Variants in ZNF432 observed in about 807,000 individuals in gnomAD.
ZNF432 encodes the protein zinc finger protein 432.
Under a neutral mutation model 13.9 loss-of-function variants are expected in ZNF432, and 10 were observed. The ratio of observed to expected loss-of-function variants is 0.72; its 90% CI spans 0.44 to 1.22. The LOEUF (loss-of-function observed/expected upper bound fraction) is 1.22, where lower values mean the gene tolerates loss of function less well. ZNF432 is among the 50% of genes most tolerant of loss of function. The pLI is 0.00. For synonymous variants in ZNF432, 247 were observed against 256.2 expected, an observed-to-expected ratio of 0.96 and a Z score of 0.34; for missense variants, 793 against 796.2, an observed-to-expected ratio of 1.00 and a Z score of 0.05.
chr19:52,047,021 T>C lies in ZNF432; in HGVS notation c.-153A>G, dbSNP rs1047305699. 5 of 753,394 alleles carry C rather than the reference T, an allele frequency of 6.6e-6. No individual in the cohort carries two copies. The highest frequency in any genetic ancestry group is 3.0e-5 in the Admixed American group (1 of 32,996). The allele number at this position is 753,394 out of a possible 1,614,324, so 46.7% of individuals were successfully genotyped here. A position where few individuals can be genotyped will look rare whatever the true frequency, so the allele number is the denominator to read the frequency against. ...TCCTGGAATCTTCCTCTTTCTTCAT[T>C]TACTTCTTGTCTCTTCCCAGGGTAG... On this transcript the variant is annotated 5_prime_UTR_variant, in exon 2 of 5. Coordinates refer to ENST00000221315, the MANE Select transcript of ZNF432 (RefSeq NM_014650.4).
At chr19:52,037,985 T>C (rs2087100811) in intron 4 of ZNF432, among the ~76,000 whole-genome samples, 1 of 152,166 alleles carries the variant, frequency 6.6e-6, no homozygotes, top group South Asian at 2.1e-4. Context: ...TTTCTTAAGA[T>C]ATTTAGCTGT....
Position 52,035,142 on chromosome 19 carries a change from G to T in ZNF432, c.537C>A (p.Phe179Leu), listed in dbSNP as rs188722056. 153 of 1,613,998 alleles carry T rather than the reference G, an allele frequency of 9.5e-5. 1 individual carries two copies. The East Asian group carries it at 3.0e-3, about 32-fold the overall frequency. The change falls in exon 5 of 5, where the codon TTC (phenylalanine) becomes TTA (leucine). Residue 179 changes from phenylalanine (F) to leucine (L), a missense_variant. Transcript: ENST00000221315. ...NYEELYSAAK[F>L]SVSTKANSTK... ...TGCTATTGGCTTTTGTACTTACAGAGAATTTAGCTGCAGAATAAAGTTCTT... is the reference window on the plus strand; with the variant it reads ...TGCTATTGGCTTTTGTACTTACAGATAATTTAGCTGCAGAATAAAGTTCTT...
At position 52,034,158 on chromosome 19, in the gene ZNF432, A is replaced by G. The variant is rs970501961; in HGVS notation, c.1521T>C (p.His507=). The G allele has an allele frequency of 1.9e-6, 3 of 1,614,028 alleles. No homozygotes were observed. The highest frequency in any genetic ancestry group is 3.3e-5 in the Admixed American group (2 of 59,986). The change falls in exon 5 of 5, where the codon CAT becomes CAC. Residue 507 remains histidine (H), a synonymous_variant. Coordinates refer to ENST00000221315, the MANE Select transcript of ZNF432 (RefSeq NM_014650.4). ...NSGLMLHQRT[H]TGEKPYICNE... ...TGCATATGTACGGTTTCTCTCCAGT[A>G]TGAGTTCGCTGATGTAACATCAGTC...
rs201556590 is a variant in ZNF432, at chr19:52,034,476, G to T, written c.1203C>A (p.Tyr401Ter). ...HQRTHTGEKP[Y>*]ICSECGKGFP... is the part of the protein sequence containing the mutation. ...AGCCTTTTCCACATTCACTGCATATGTAGGGTTTCTCTCCTGTATGAGTTC... is the reference window on the plus strand; with the variant it reads ...AGCCTTTTCCACATTCACTGCATATTTAGGGTTTCTCTCCTGTATGAGTTC... The change falls in exon 5 of 5, where the codon TAC (tyrosine) becomes TAA (stop). Residue 401 changes from tyrosine to a stop codon, truncating the protein, a stop_gained. Coordinates refer to ENST00000221315, the MANE Select transcript of ZNF432 (RefSeq NM_014650.4). LOFTEE classifies it low-confidence loss of function (END_TRUNC). 2.1e-4 allele frequency: 341 copies of T among 1,613,626 alleles called. No homozygotes were observed. The highest frequency in any genetic ancestry group is 2.8e-4 in the Non-Finnish European group (329 of 1,179,954).
At chr19:52,042,048 C>T (rs1346601711) in intron 2 of ZNF432, among the ~76,000 whole-genome samples, 1 of 151,946 alleles carries the variant, frequency 6.6e-6, no homozygotes, top group African/African-American at 2.4e-5. Flanking sequence ...TAGAAATGTA[C>T]AGAAAACATG....
At chr19:52,038,315 G>C (rs917289374) in intron 4 of ZNF432, among the ~76,000 whole-genome samples, 1 of 152,054 alleles carries the variant, frequency 6.6e-6, no homozygotes, top group South Asian at 2.1e-4. Flanking sequence ...TTGAGATGGA[G>C]TTGTGCTCTT....
intron 4 of ZNF432, among the ~76,000 whole-genome samples, chr19:52,038,856 T>C (rs576484262): frequency 4.5e-4 from 68 of 152,398 alleles, no homozygotes; most frequent in African/African-American, 1.4e-3. Context: ...TCCTGGCCCA[T>C]AGGAGTGTCT....
chr19:52,045,351 C>G (rs118098271), intron 2 of ZNF432, among the ~76,000 whole-genome samples: 4 of 131,318 alleles, frequency 3.0e-5, no homozygotes, highest in Admixed American at 7.9e-5. Context: ...ACTTTTTTTA[C>G]CTTTTTTTTT....
At chr19:52,041,973 G>C (rs1009125156) in intron 2 of ZNF432, among the ~76,000 whole-genome samples, 3 of 152,136 alleles carry the variant, frequency 2.0e-5, no homozygotes, top group Admixed American at 2.0e-4. Flanking sequence ...AAGACATAGA[G>C]AGACTTCAGA....
chr19:52,048,179 AC>A (rs1443042027), intron 1 of ZNF432, among the ~76,000 whole-genome samples: 1 of 146,652 alleles, frequency 6.8e-6, no homozygotes, highest in African/African-American at 2.6e-5. Context: ...ACACACACAC[AC>A]ACAAAACCAG....
In ZNF432 at chr19:52,035,010, A is replaced by T. The variant is rs1469998423; in HGVS notation, c.669T>A (p.His223Gln). 6.2e-7 allele frequency: 1 copy of T among 1,614,036 alleles called. No homozygotes were observed. The highest frequency in any genetic ancestry group is 8.5e-7 in the Non-Finnish European group (1 of 1,180,036). ...AFVKKSQLTD[H>Q]ERVHTGEKPY... ...GTTTTTCTCCTGTATGAACTCTCTC[A>T]TGATCAGTGAGCTGAGACTTCTTGA... Residue 223 changes from histidine (H) to glutamine (Q), a missense_variant, in exon 5 of 5, where the codon CAT becomes CAA. His to Gln is a conservative substitution (Grantham distance 24). Coordinates refer to ENST00000221315, the MANE Select transcript of ZNF432 (RefSeq NM_014650.4).
intron 2 of ZNF432, among the ~76,000 whole-genome samples, chr19:52,045,596 C>A (rs2087173893): frequency 1.3e-5 from 2 of 151,030 alleles, no homozygotes; most frequent in Admixed American, 1.3e-4. Flanking sequence ...CCTCAGGTGA[C>A]CCGCCTGGTT....
intron 1 of ZNF432, among the ~76,000 whole-genome samples, chr19:52,048,070 T>C (rs886454332): frequency 4.0e-5 from 6 of 149,974 alleles, no homozygotes; most frequent in African/African-American, 1.5e-4. Flanking sequence ...TACTCGGACC[T>C]GAAACTTTTA....
intron 2 of ZNF432, 86 bp from the exon 3 acceptor site, chr19:52,041,692 C>T: frequency 6.5e-7 from 1 of 1,535,514 alleles, no homozygotes; most frequent in Non-Finnish European, 9.0e-7. Flanking sequence ...GTCCCGCTCA[C>T]ATTAAACATA....
At position 52,041,588 on chromosome 19, in the gene ZNF432, C is replaced by T. The variant is rs371572998; in HGVS notation, c.34G>A (p.Asp12Asn). 6.2e-6 allele frequency: 10 copies of T among 1,614,028 alleles called. No individual in the cohort carries two copies. The highest frequency in any genetic ancestry group is 5.3e-5 in the African/African-American group (4 of 74,926). The change falls in exon 3 of 5, where the codon GAT becomes AAT. Residue 12 changes from aspartate to asparagine, a missense_variant. Physicochemically the swap from Asp to Asn is conservative, Grantham distance 23. Transcript: ENST00000221315. ...TCCCAGGTGAACTCCACAGTAACAT[C>T]CTCCAGTGTCAGCAATTCCTGTAAG... Reference protein sequence around the residue: ...INAQELLTLEDVTVEFTWEEW... With the variant: ...INAQELLTLENVTVEFTWEEW...
intron 2 of ZNF432, 111 bp downstream of exon 2, chr19:52,046,743 G>T: frequency 9.1e-7 from 1 of 1,103,438 alleles, no homozygotes; most frequent in Non-Finnish European, 1.3e-6. Flanking sequence ...TTGCCATGAT[G>T]TTGGAGTTAG....
At chr19:52,036,114 C>T (rs755254652) in intron 4 of ZNF432, among the ~76,000 whole-genome samples, 5 of 152,238 alleles carry the variant, frequency 3.3e-5, no homozygotes, top group Non-Finnish European at 7.3e-5. Context: ...TTGGGAGACA[C>T]CAGACCACAA....
rs573601265 is a variant in ZNF432 at position 52,041,687 on chromosome 19, G to T, written c.16-81C>A. 7 of 1,563,464 alleles carry T rather than the reference G, an allele frequency of 4.5e-6. No individual in the cohort carries two copies. The South Asian group carries it at 7.9e-5, about 18-fold the overall frequency. On this transcript the variant is annotated intron_variant, in intron 2 of 4. Coordinates refer to ENST00000221315, the MANE Select transcript of ZNF432 (RefSeq NM_014650.4). Reference sequence around the variant, plus strand: ...AAAGAAAGTGAAGGGAAGTTGTCCCGCTCACATTAAACATATAGACTGCAT... The same window carrying T: ...AAAGAAAGTGAAGGGAAGTTGTCCCTCTCACATTAAACATATAGACTGCAT...
chr19:52,039,675 A>C (rs183039484), intron 4 of ZNF432, among the ~76,000 whole-genome samples: 365 of 149,708 alleles, frequency 2.4e-3, no homozygotes, highest in African/African-American at 9.0e-3. Flanking sequence ...CTACAAAAAC[A>C]CAAATTAGCT....
Sources: allele counts gnomAD v4.1 joint callset (sites outside exome capture counted in the v4.1 genomes callset), GRCh38; gene constraint gnomAD v4.1.1; transcripts MANE v1.5; gene names NCBI Gene and HGNC (gene_info 2026-07-23, HGNC 2026-07-21).